Variants in SPDYE3 observed in about 807,000 individuals in gnomAD.
SPDYE3 encodes speedy/RINGO cell cycle regulator family member E3.
SPDYE3 carries 15 observed loss-of-function variants against 55.0 expected under a neutral mutation model. The ratio of observed to expected loss-of-function variants is 0.27; its 90% CI spans 0.18 to 0.42. The LOEUF is 0.42. Among genes scored for constraint, SPDYE3 ranks in the 10% least tolerant of loss-of-function variants. The pLI is 1.00. For missense variants in SPDYE3, 236 were observed against 576.7 expected, an observed-to-expected ratio of 0.41 and a Z score of 6.05; for synonymous variants, 89 against 229.9, an observed-to-expected ratio of 0.39 and a Z score of 5.55.
chr7:100,311,125 A>AG, intron 3 of SPDYE3, among the ~76,000 whole-genome samples: 1 of 110,380 alleles, frequency 9.1e-6, no homozygotes, highest in Non-Finnish European at 1.8e-5. Context: ...AAAAAAAAAA[A>AG]GAAGAAGAAA....
intron 7 of SPDYE3, among the ~76,000 whole-genome samples, chr7:100,316,126 A>C (rs1431086638): frequency 2.0e-5 from 3 of 152,018 alleles, no homozygotes; most frequent in Admixed American, 6.6e-5. Flanking sequence ...GTGAACCACC[A>C]CGCCTGGCTA....
intron 6 of SPDYE3, among the ~76,000 whole-genome samples, chr7:100,315,328 A>C (rs1806076124): frequency 6.6e-6 from 1 of 152,152 alleles, no homozygotes; most frequent in Non-Finnish European, 1.5e-5. Context: ...AAGAAAAACA[A>C]AATCAAAAAT....
chr7:100,315,869 G>A, intron 7 of SPDYE3, 26 bp downstream of exon 7: 1 of 1,599,374 alleles, frequency 6.3e-7, no homozygotes, highest in Non-Finnish European at 8.5e-7. Flanking sequence ...ATGTAACTGT[G>A]TTCCTGTTCT....
chr7:100,319,473 A>G (rs547208394), intron 8 of SPDYE3, 92 bp from the exon 9 acceptor site: 53 of 1,594,762 alleles, frequency 3.3e-5, no homozygotes, highest in Admixed American at 6.8e-5. Flanking sequence ...TGAGCTAGGG[A>G]CGGTCCCTTA....
intron 10 of SPDYE3, chr7:100,320,667 G>C: frequency 9.3e-7 from 1 of 1,070,348 alleles, no homozygotes. Context: ...CAGATCACTG[G>C]GGCTGACCTT....
At position 100,319,572 on chromosome 7, in the gene SPDYE3, G is replaced by A. The variant is rs761002935; in HGVS notation, c.1354G>A (p.Ala452Thr). 5.2e-5 allele frequency: 84 copies of A among 1,614,054 alleles called. No individual in the cohort carries two copies. Among genetic ancestry groups the A allele is most frequent in the Non-Finnish European group, 6.9e-5 (81 of 1,180,042 alleles). Reference protein sequence around the residue: ...RIHFFLALYLANDMEEDDEAP... With the variant: ...RIHFFLALYLTNDMEEDDEAP... ...CCTGATTTCTGTCCTCAGCTATCTG[G>A]CCAATGACATGGAGGAGGACGACGA... Residue 452 changes from alanine (A) to threonine (T), a missense_variant, in exon 9 of 11, where the codon GCC becomes ACC. By Grantham distance (58) the Ala-to-Thr change is moderately conservative. Coordinates refer to ENST00000332397, the MANE Select transcript of SPDYE3 (RefSeq NM_001004351.5).
chr7:100,312,513 A>AC (rs1200006265), intron 4 of SPDYE3, among the ~76,000 whole-genome samples: 1 of 137,138 alleles, frequency 7.3e-6, no homozygotes, highest in Non-Finnish European at 1.6e-5. Flanking sequence ...AAAAAAAAAA[A>AC]AAGAAGAAGA....
intron 8 of SPDYE3, among the ~76,000 whole-genome samples, chr7:100,318,904 T>TTATTTATA (rs1789508925): frequency 6.7e-6 from 1 of 149,828 alleles, no homozygotes; most frequent in Non-Finnish European, 1.5e-5. Flanking sequence ...ATTTATTTAT[T>TTATTTATA]TATTTATTTA....
At chr7:100,318,707 T>C (rs994608734) in intron 8 of SPDYE3, among the ~76,000 whole-genome samples, 1 of 141,374 alleles carries the variant, frequency 7.1e-6, no homozygotes, top group African/African-American at 2.7e-5. Flanking sequence ...CCTGGCAAAA[T>C]ATCAATGTAT....
intron 7 of SPDYE3, among the ~76,000 whole-genome samples, chr7:100,316,545 C>T (rs921162781): frequency 5.3e-5 from 8 of 152,202 alleles, no homozygotes; most frequent in African/African-American, 1.9e-4. Context: ...GTCTCCACCT[C>T]TCAAAAAGTA....
intron 10 of SPDYE3, 143 bp downstream of exon 10, chr7:100,320,178 C>T (rs1213334622): frequency 4.8e-6 from 7 of 1,467,066 alleles, no homozygotes; most frequent in African/African-American, 2.8e-5. Flanking sequence ...ATTAGCCAGG[C>T]GATGTGGGAG....
At chr7:100,312,850 T>C (rs1478651820) in intron 4 of SPDYE3, among the ~76,000 whole-genome samples, 2 of 142,292 alleles carry the variant, frequency 1.4e-5, no homozygotes, top group Non-Finnish European at 3.1e-5. Context: ...CACTCCAGCC[T>C]GGGTGACAAA....
Position 100,307,927 on chromosome 7 carries a change from C to T in SPDYE3, c.42C>T (p.Pro14=), listed in dbSNP as rs1356356473. Residue 14 remains proline (P), a synonymous_variant, in exon 1 of 11, where the codon CCC becomes CCT. Coordinates refer to ENST00000332397, the MANE Select transcript of SPDYE3 (RefSeq NM_001004351.5). ...CGCAGCCCCAGGAAGAGCAGAGCCC[C>T]CAGCGGAGCACCTCAGGGTACCCCC... ...HQPQPQEEQS[P]QRSTSGYPLQ... is the part of the protein sequence containing the mutation. The T allele has an allele frequency of 1.3e-6, 2 of 1,584,950 alleles. No homozygotes were observed. The highest frequency in any genetic ancestry group is 2.2e-5 in the South Asian group (2 of 88,946).
intron 8 of SPDYE3, among the ~76,000 whole-genome samples, chr7:100,318,133 GCCA>G (rs1277698938): frequency 6.6e-6 from 1 of 152,028 alleles, no homozygotes; most frequent in Non-Finnish European, 1.5e-5. Flanking sequence ...AACCGCAAAA[GCCA>G]CCAACCTCCT....
At chr7:100,309,411 T>TG (rs1230900382) in intron 2 of SPDYE3, among the ~76,000 whole-genome samples, 1 of 121,582 alleles carries the variant, frequency 8.2e-6, no homozygotes, top group Non-Finnish European at 1.8e-5. Flanking sequence ...AGCTTGGTTT[T>TG]GGGCCAGGCG....
chr7:100,312,331 G>A (rs903537992), intron 4 of SPDYE3, among the ~76,000 whole-genome samples: 2 of 148,880 alleles, frequency 1.3e-5, no homozygotes, highest in Admixed American at 6.7e-5. Context: ...GCAAAACTCT[G>A]CGTCAAAAGA....
In SPDYE3 at chr7:100,312,378, T is replaced by C. The variant is rs574450772; in HGVS notation, c.763+410T>C. Among the ~76,000 whole-genome samples, 488 of 148,560 alleles carry C rather than the reference T, an allele frequency of 3.3e-3. 8 individuals carry two copies. Among genetic ancestry groups the C allele is most frequent in the African/African-American group, 0.011 (449 of 39,644 alleles). ...TGGGCACAGTAGCTCATGCCTGTAG[T>C]TCCAGCTACTCGGGAGGCTGAGACA... On this transcript the variant is annotated intron_variant, in intron 4 of 10. Coordinates refer to ENST00000332397, the MANE Select transcript of SPDYE3 (RefSeq NM_001004351.5).
chr7:100,320,482 T>C, intron 10 of SPDYE3: 1 of 987,864 alleles, frequency 1.0e-6, no homozygotes, highest in Non-Finnish European at 1.3e-6. Context: ...GGATTATGGA[T>C]TAGGCTTCTG....
Position 100,312,881 on chromosome 7 carries a change from A to C in SPDYE3, c.764-259A>C, listed in dbSNP as rs1464553568. Among the ~76,000 whole-genome samples the C allele has an allele frequency of 1.4e-5, 2 of 145,926 alleles. 1 individual carries two copies. Among genetic ancestry groups the C allele is most frequent in the Non-Finnish European group, 3.0e-5 (2 of 65,880 alleles). On this transcript the variant is annotated intron_variant, in intron 4 of 10. Transcript: ENST00000332397. ...ACAAAGCAAGATTCTGTCTCGAAACAAAAAAAAAAAAGAGGGCCTCAGAGA... is the reference window on the plus strand; with the variant it reads ...ACAAAGCAAGATTCTGTCTCGAAACCAAAAAAAAAAAGAGGGCCTCAGAGA...
Sources: gnomAD v4.1 joint callset for allele counts (sites outside exome capture counted in the v4.1 genomes callset) on GRCh38, gnomAD v4.1.1 for gene constraint, MANE v1.5 for transcripts, NCBI Gene and HGNC (gene_info 2026-07-23, HGNC 2026-07-21) for gene names.